Variants in LDHB observed in about 807,000 individuals in gnomAD.
LDHB encodes the protein lactate dehydrogenase B, also known as L-lactate dehydrogenase B chain.
LDHB carries 18 observed loss-of-function variants against 33.4 expected under a neutral mutation model. The observed-to-expected ratio is 0.54, with a 90% CI of 0.37 to 0.80. The LOEUF (loss-of-function observed/expected upper bound fraction) is 0.80, where lower values mean the gene tolerates loss of function less well. Among genes scored for constraint, LDHB ranks in the 30% least tolerant of loss-of-function variants. The probability of loss-of-function intolerance (pLI) is 0.00; values close to 1 mark genes in which losing one functional copy is unlikely to be tolerated. For synonymous variants in LDHB, 121 were observed against 140.6 expected (o/e 0.86, Z 0.98); for missense variants, 345 against 407.9 (o/e 0.85, Z 1.33).
At chr12:21,643,856 T>C in intron 4 of LDHB, 79 bp downstream of exon 4, 1 of 1,122,186 alleles carries the variant, frequency 8.9e-7, no homozygotes, top group Non-Finnish European at 1.4e-6. Context: ...CTGGGACTGA[T>C]TTTAGTCCAA....
Position 21,654,926 on chromosome 12 carries a change from T to C in LDHB, c.-6-249A>G, listed in dbSNP as rs1158445821. On this transcript the variant is annotated intron_variant, in intron 1 of 7. Coordinates refer to ENST00000350669, the MANE Select transcript of LDHB (RefSeq NM_002300.8). Reference sequence around the variant, plus strand: ...TCACGAGGTCAAGAGATTGAGACCATCCTGGCCAACATGGTGAAACCCCGT... The same window carrying C: ...TCACGAGGTCAAGAGATTGAGACCACCCTGGCCAACATGGTGAAACCCCGT... 2.6e-5 allele frequency among the ~76,000 whole-genome samples: 4 copies of C among 151,762 alleles called. No homozygotes were observed. The East Asian group carries it at 7.8e-4, about 29-fold the overall frequency.
intron 2 of LDHB, chr12:21,654,228 G>A: frequency 2.9e-6 from 1 of 347,232 alleles, no homozygotes; most frequent in Non-Finnish European, 5.4e-6. Context: ...GGACTGAGGT[G>A]AAAATAGCTA....
rs563143316 is a variant in LDHB at position 21,639,807 on chromosome 12, T to C, written c.596-1337A>G. 5.1e-4 allele frequency among the ~76,000 whole-genome samples: 78 copies of C among 152,126 alleles called. No homozygotes were observed. The South Asian group carries it at 9.5e-3, about 19-fold the overall frequency. ...GATCAAGAGAGACACATAGGACCAT[T>C]ACAATTAACCAGACAAAAATTCAGA... On this transcript the variant is annotated intron_variant, in intron 5 of 7. Coordinates refer to ENST00000350669, the MANE Select transcript of LDHB (RefSeq NM_002300.8).
chr12:21,640,765 G>A (rs1327029804), intron 5 of LDHB, among the ~76,000 whole-genome samples: 4 of 151,988 alleles, frequency 2.6e-5, no homozygotes, highest in African/African-American at 7.2e-5. Flanking sequence ...CTAGTGCTGG[G>A]AAGGGGAAAG....
chr12:21,643,280 A>T (rs143482847), intron 4 of LDHB, among the ~76,000 whole-genome samples: 2 of 152,374 alleles, frequency 1.3e-5, no homozygotes, highest in East Asian at 3.9e-4. Context: ...GCTCACCAAC[A>T]TGCAGTAATT....
At chr12:21,639,187 G>A (rs1677127) in intron 5 of LDHB, among the ~76,000 whole-genome samples, 143,666 of 152,006 alleles carry the variant, frequency 0.95, 68,390 homozygotes, top group East Asian at 1. Context: ...TAGGGTAATT[G>A]GATATTTTTA....
intron 1 of LDHB, among the ~76,000 whole-genome samples, chr12:21,656,435 A>C (rs892576881): frequency 1.3e-5 from 2 of 152,204 alleles, no homozygotes; most frequent in African/African-American, 4.8e-5. Context: ...AGAATGCTGC[A>C]TCTCTTTTTG....
intron 2 of LDHB, among the ~76,000 whole-genome samples, chr12:21,651,532 G>A (rs1220033961): frequency 6.6e-6 from 1 of 152,096 alleles, no homozygotes; most frequent in Non-Finnish European, 1.5e-5. Context: ...ACTTCTGGGG[G>A]CAAGGTACAC....
At chr12:21,654,755 G>A in intron 1 of LDHB, 78 bp from the exon 2 acceptor site, 1 of 1,202,210 alleles carries the variant, frequency 8.3e-7, no homozygotes, top group Non-Finnish European at 1.2e-6. Context: ...AAATGTTACT[G>A]TTGCAATTTC....
intron 1 of LDHB, 116 bp from the exon 2 acceptor site, chr12:21,654,793 T>C: frequency 1.2e-6 from 1 of 857,762 alleles, no homozygotes; most frequent in South Asian, 1.4e-5. Flanking sequence ...AAAATGAGCC[T>C]AATGATATTC....
intron 5 of LDHB, among the ~76,000 whole-genome samples, chr12:21,639,121 G>A (rs1677128): frequency 0.96 from 146,384 of 151,966 alleles, 70,724 homozygotes; most frequent in Middle Eastern, 1. Flanking sequence ...GATATGAAGG[G>A]AAAAGCTATT....
chr12:21,638,190 A>G (rs1346883676), intron 6 of LDHB, among the ~76,000 whole-genome samples, 163 bp downstream of exon 6: 18 of 152,058 alleles, frequency 1.2e-4, no homozygotes, highest in Admixed American at 9.8e-4. Context: ...AGACTGGCAT[A>G]GCAAGTTTGA....
intron 4 of LDHB, among the ~76,000 whole-genome samples, chr12:21,643,176 G>T (rs1938419454): frequency 6.6e-6 from 1 of 152,224 alleles, no homozygotes; most frequent in South Asian, 2.1e-4. Flanking sequence ...ATACTGTGGG[G>T]ATTCCCCTAG....
At chr12:21,645,365 C>T (rs958944805) in intron 3 of LDHB, among the ~76,000 whole-genome samples, 1 of 152,074 alleles carries the variant, frequency 6.6e-6, no homozygotes, top group Non-Finnish European at 1.5e-5. Flanking sequence ...ACCTGACTGT[C>T]CCCCAGCCCG....
chr12:21,645,434 T>C (rs187442385), intron 3 of LDHB, among the ~76,000 whole-genome samples: 7 of 152,198 alleles, frequency 4.6e-5, no homozygotes, highest in Middle Eastern at 3.4e-3. Flanking sequence ...CTCTTTGCAG[T>C]TGAGGTAAGA....
intron 1 of LDHB, among the ~76,000 whole-genome samples, chr12:21,656,487 T>C (rs189386612): frequency 9.2e-5 from 14 of 152,338 alleles, no homozygotes; most frequent in South Asian, 8.3e-4. Context: ...CTTAAGTTTA[T>C]TGTTGTTAGA....
At chr12:21,651,535 A>G (rs1365966107) in intron 2 of LDHB, among the ~76,000 whole-genome samples, 1 of 152,146 alleles carries the variant, frequency 6.6e-6, no homozygotes, top group Non-Finnish European at 1.5e-5. Flanking sequence ...TCTGGGGGCA[A>G]GGTACACCAT....
At chr12:21,638,576 C>A (rs974379822) in intron 5 of LDHB, 106 bp from the exon 6 acceptor site, 8 of 764,138 alleles carry the variant, frequency 1.0e-5, no homozygotes, top group Middle Eastern at 3.0e-4. Flanking sequence ...TTACTGAATA[C>A]CAACTGGAAC....
intron 7 of LDHB, among the ~76,000 whole-genome samples, chr12:21,636,344 TAA>T (rs546167683): frequency 1.2e-4 from 15 of 126,452 alleles, no homozygotes; most frequent in Non-Finnish European, 6.9e-5. Context: ...CAAGAATTGC[TAA>T]AAAAAAAAAA....
Sources: gnomAD v4.1 joint callset for allele counts (sites outside exome capture counted in the v4.1 genomes callset) on GRCh38, gnomAD v4.1.1 for gene constraint, MANE v1.5 for transcripts, NCBI Gene and HGNC (gene_info 2026-07-23, HGNC 2026-07-21) for gene names.